LAIR1: variants seen among roughly 807,000 people sequenced by gnomAD.
LAIR1 encodes the protein leukocyte associated immunoglobulin like receptor 1, also known as leukocyte-associated immunoglobulin-like receptor 1.
A neutral mutation model predicts 32.8 loss-of-function variants in LAIR1; 24 were observed. The ratio of observed to expected loss-of-function variants is 0.73; its 90% confidence interval spans 0.53 to 1.03. The LOEUF is 1.03. LAIR1 is among the 50% of genes least tolerant of loss of function. LAIR1 has a pLI of 0.00. For missense variants in LAIR1, 355 were observed against 347.5 expected, an observed-to-expected ratio of 1.02 and a Z score of -0.17; for synonymous variants, 150 against 140.5, an observed-to-expected ratio of 1.07 and a Z score of -0.48.
chr19:54,364,469 T>G lies in LAIR1; in HGVS notation c.35-139A>C, dbSNP rs779843675. ...GCCAACCCTCCTCGACATCACTGTC[T>G]CCATGTAATCCTTCTTGCTGCAAAA... On this transcript the variant is annotated intron_variant, in intron 1 of 9. Transcript: ENST00000391742. The surrounding 1 kb of genome is among the most constrained non-coding windows in gnomAD (Gnocchi z 4.8). The G allele has an allele frequency of 1.2e-6, 1 of 812,888 alleles. No individual in the cohort carries two copies. The highest frequency in any genetic ancestry group is 1.4e-5 in the South Asian group (1 of 69,850). 50.4% of individuals were successfully genotyped at this position (812,888 alleles called of 1,614,324 possible). A position where few individuals can be genotyped will look rare whatever the true frequency, so the allele number is the denominator to read the frequency against.
upstream of LAIR1, chr19:54,368,611 T>C (rs1256121868): frequency 6.6e-6 from 1 of 152,242 alleles, no homozygotes; most frequent in Non-Finnish European, 1.5e-5. Flanking sequence ...TTTTCTTCAC[T>C]GCTCAGAAGA....
At position 54,352,104 on chromosome 19, in the gene LAIR1, G is replaced by A. The variant is rs1004656825; in HGVS notation, c.*3164C>T. 6.6e-6 allele frequency: 1 copy of A among 152,354 alleles called. No homozygotes were observed. The highest frequency in any genetic ancestry group is 2.4e-5 in the African/African-American group (1 of 41,436). 9.4% of individuals were successfully genotyped at this position (152,354 alleles called of 1,614,324 possible). A position where few individuals can be genotyped will look rare whatever the true frequency, so the allele number is the denominator to read the frequency against. Reference sequence around the variant, plus strand: ...TCAACGCCTTGCCCAGCTGGCCCAGGGCTCCAAGAAAGGGAAGGCCAGACC... The same window carrying A: ...TCAACGCCTTGCCCAGCTGGCCCAGAGCTCCAAGAAAGGGAAGGCCAGACC... On this transcript the variant is annotated 3_prime_UTR_variant, in exon 10 of 10. Transcript: ENST00000391742.
chr19:54,358,518 T>C (rs771409687), intron 4 of LAIR1: 2 of 1,603,320 alleles, frequency 1.2e-6, no homozygotes, highest in Admixed American at 3.3e-5. Flanking sequence ...AGTGCATTTC[T>C]ATTGCTCATT....
the LAIR1 span, among the ~76,000 whole-genome samples, chr19:54,375,628 G>A: frequency 6.6e-6 from 1 of 152,162 alleles, no homozygotes; most frequent in Non-Finnish European, 1.5e-5. Context: ...CAGACTTGAA[G>A]GAGACGGCGA....
intron 3 of LAIR1, among the ~76,000 whole-genome samples, chr19:54,360,479 G>T (rs1216610041): frequency 6.6e-6 from 1 of 151,972 alleles, no homozygotes; most frequent in Non-Finnish European, 1.5e-5. Context: ...TGGACCCTGC[G>T]TTCTGCCCAG....
chr19:54,372,491 C>CTTTTTT (rs35628063), upstream of LAIR1, among the ~76,000 whole-genome samples: 4 of 131,546 alleles, frequency 3.0e-5, no homozygotes, highest in Non-Finnish European at 6.3e-5. Context: ...TTCTTTCTTT[C>CTTTTTT]TTTTTTTTTT....
intron 4 of LAIR1, among the ~76,000 whole-genome samples, chr19:54,359,581 CG>C (rs1175921995): frequency 1.3e-5 from 2 of 152,206 alleles, no homozygotes; most frequent in Non-Finnish European, 2.9e-5. Flanking sequence ...AGGTGCAGAG[CG>C]GGGTGAATGG....
In LAIR1 at chr19:54,354,013, G is replaced by C. The variant is rs1030510841; in HGVS notation, c.*1255C>G. 1 of 152,104 alleles carries C rather than the reference G, an allele frequency of 6.6e-6. No individual in the cohort carries two copies. Among genetic ancestry groups the C allele is most frequent in the African/African-American group, 2.4e-5 (1 of 41,380 alleles). 9.4% of individuals were successfully genotyped at this position (152,104 alleles called of 1,614,324 possible). ...CTCCCAAAGTGCTGGGATTACAGGC[G>C]TGAGCCTCCATGCCCGGCCTGTTTT... is the stretch of plus-strand genomic sequence containing the variant. On this transcript the variant is annotated 3_prime_UTR_variant, in exon 10 of 10. Coordinates refer to ENST00000391742, the MANE Select transcript of LAIR1 (RefSeq NM_002287.6).
At chr19:54,375,364 T>G (rs62132250), upstream of LAIR1, among the ~76,000 whole-genome samples, 43,739 of 151,284 alleles carry the variant, frequency 0.29, 6,916 homozygotes, top group Middle Eastern at 0.45. Flanking sequence ...CTGTGCAGAA[T>G]GCAGAGGCTC....
chr19:54,366,635 C>T (rs1276528990), upstream of LAIR1, among the ~76,000 whole-genome samples: 1 of 152,070 alleles, frequency 6.6e-6, no homozygotes, highest in African/African-American at 2.4e-5. Flanking sequence ...ACTACAGGCA[C>T]CCACCACCAC....
intron 2 of LAIR1, 35 bp from the exon 3 acceptor site, chr19:54,361,244 C>T (rs868621177): frequency 1.4e-5 from 22 of 1,604,936 alleles, no homozygotes; most frequent in Non-Finnish European, 1.6e-5. Context: ...TCAGCGTCCA[C>T]TGTAGGAAGT....
In LAIR1 at chr19:54,355,941, T is replaced by G. The variant is rs758954473; in HGVS notation, c.717+13A>C. ...AAATTTGGGGTACTTTAATAACTAG[T>G]AGGAAGGCTCACCGAGGTGTCCGTC... On this transcript the variant is annotated intron_variant, in intron 9 of 9. Transcript: ENST00000391742. This position sits in a 1 kb window ranked among gnomAD's most constrained non-coding sequence, Gnocchi z 4.7. 1 of 1,565,584 alleles carries G rather than the reference T, an allele frequency of 6.4e-7. No homozygotes were observed. The highest frequency in any genetic ancestry group is 8.8e-7 in the Non-Finnish European group (1 of 1,135,346).
rs750837446 is a variant in LAIR1, at chr19:54,358,601, G to A, written c.415+1421C>T. ...CCTCATTCTTGGTGCATCAAATCCG[G>A]AGGCTTCAGTGCCTGGCACAGTCCC... is the stretch of plus-strand genomic sequence containing the variant. On this transcript the variant is annotated intron_variant, in intron 4 of 9. Transcript: ENST00000391742. 3.1e-6 allele frequency: 5 copies of A among 1,606,998 alleles called. No individual in the cohort carries two copies. In the South Asian group the frequency reaches 4.4e-5, roughly 14 times the overall value.
chr19:54,358,272 T>G lies in LAIR1; in HGVS notation c.416-1306A>C, dbSNP rs187975291. 726 of 147,854 alleles carry G rather than the reference T, an allele frequency of 4.9e-3. 30 individuals carry two copies. The highest frequency in any genetic ancestry group is 0.016 in the African/African-American group (629 of 39,886). The allele number at this position is 147,854 out of a possible 1,614,324, so 9.2% of individuals were successfully genotyped here. On this transcript the variant is annotated intron_variant, in intron 4 of 9. Transcript: ENST00000391742. ...ATTTATTAACTATAACACTTGAAAT[T>G]TATTATACTATATATTGTAAATATA...
rs2081543778 is a variant in LAIR1, at chr19:54,352,122, G to T, written c.*3146C>A. ...GGCCCAGGGCTCCAAGAAAGGGAAG[G>T]CCAGACCCCTGGCCTCTGCCCTGGT... On this transcript the variant is annotated 3_prime_UTR_variant, in exon 10 of 10. Coordinates refer to ENST00000391742, the MANE Select transcript of LAIR1 (RefSeq NM_002287.6). 1 of 152,562 alleles carries T rather than the reference G, an allele frequency of 6.6e-6. No individual in the cohort carries two copies. The highest frequency in any genetic ancestry group is 2.4e-5 in the African/African-American group (1 of 41,442). The allele number at this position is 152,562 out of a possible 1,614,324, so 9.5% of individuals were successfully genotyped here.
At chr19:54,365,298 A>C (rs542113275), upstream of LAIR1, among the ~76,000 whole-genome samples, 8 of 152,118 alleles carry the variant, frequency 5.3e-5, no homozygotes, top group East Asian at 1.5e-3. Context: ...CAAGGTATTT[A>C]ACACGTTAAA....
chr19:54,375,091 G>C (rs528473651), upstream of LAIR1, among the ~76,000 whole-genome samples: 20 of 152,330 alleles, frequency 1.3e-4, no homozygotes, highest in Non-Finnish European at 2.6e-4. Flanking sequence ...ACTCGATGAC[G>C]TCTGTAAGCT....
In LAIR1 at chr19:54,351,393, A is replaced by C. The variant is rs2081528827; in HGVS notation, c.*3875T>G. On this transcript the variant is annotated 3_prime_UTR_variant, in exon 10 of 10. Transcript: ENST00000391742. ...TAAACATATAGTCACCTTTTATCAA[A>C]AAGATATTTTATTTGTCTAAATGGA... is the stretch of plus-strand genomic sequence containing the variant. 2 of 152,196 alleles carry C rather than the reference A, an allele frequency of 1.3e-5. No homozygotes were observed. Among genetic ancestry groups the C allele is most frequent in the African/African-American group, 4.8e-5 (2 of 41,438 alleles). The allele number at this position is 152,196 out of a possible 1,614,324, so 9.4% of individuals were successfully genotyped here.
At chr19:54,368,806 GCCT>G (rs2082332503), upstream of LAIR1, 2 of 151,930 alleles carry the variant, frequency 1.3e-5, no homozygotes, top group Admixed American at 6.6e-5. Flanking sequence ...TCCTGTCTCG[GCCT>G]CCTGAGTAGC....
Sources: allele counts gnomAD v4.1 joint callset (sites outside exome capture counted in the v4.1 genomes callset), GRCh38; gene constraint gnomAD v4.1.1; non-coding constraint Gnocchi (gnomAD v3.1); transcripts MANE v1.5; gene names NCBI Gene and HGNC (gene_info 2026-07-23, HGNC 2026-07-21).